Variants in CMC1 observed in about 807,000 individuals in gnomAD.
The protein encoded by CMC1 is COX assembly mitochondrial protein homolog.
Under a neutral mutation model 14.1 loss-of-function variants are expected in CMC1, and 14 were observed. The ratio of observed to expected loss-of-function variants is 0.99; its 90% confidence interval spans 0.66 to 1.55. The LOEUF is 1.55. Among genes scored for constraint, CMC1 ranks in the 40% most tolerant of loss-of-function variants. CMC1 has a pLI of 0.00. For missense variants in CMC1, 127 were observed against 123.8 expected (o/e 1.03, Z -0.12); for synonymous variants, 50 against 38.4 (o/e 1.30, Z -1.12).
intron 2 of CMC1, among the ~76,000 whole-genome samples, chr3:28,267,959 G>A (rs1424375497): frequency 6.6e-6 from 1 of 152,198 alleles, no homozygotes; most frequent in Non-Finnish European, 1.5e-5. Context: ...CTTATTACAT[G>A]TATTTTTGTC....
At chr3:28,246,273 C>T (rs1330618699) in intron 1 of CMC1, among the ~76,000 whole-genome samples, 2 of 151,658 alleles carry the variant, frequency 1.3e-5, no homozygotes, top group South Asian at 2.1e-4. Context: ...TTTGTCTCAT[C>T]GGATTAACAA....
At chr3:28,259,703 A>G (rs1481077743) in intron 1 of CMC1, among the ~76,000 whole-genome samples, 2 of 152,134 alleles carry the variant, frequency 1.3e-5, no homozygotes, top group East Asian at 3.9e-4. Flanking sequence ...GAAAAATGCT[A>G]TATAGTCTTG....
intron 1 of CMC1, among the ~76,000 whole-genome samples, chr3:28,254,632 A>G (rs1353100205): frequency 6.6e-6 from 1 of 152,172 alleles, no homozygotes; most frequent in Non-Finnish European, 1.5e-5. Context: ...TTACACATCT[A>G]TGTCTGTATT....
intron 1 of CMC1, 33 bp from the exon 2 acceptor site, chr3:28,263,258 G>T: frequency 6.7e-7 from 1 of 1,485,534 alleles, no homozygotes; most frequent in South Asian, 1.2e-5. Context: ...ATTTGCTTGA[G>T]ACTTTATTAA....
chr3:28,270,479 T>C (rs1415587123), intron 2 of CMC1, among the ~76,000 whole-genome samples: 1 of 152,180 alleles, frequency 6.6e-6, no homozygotes, highest in African/African-American at 2.4e-5. Context: ...TATCTCATTA[T>C]GATTTTGATT....
At chr3:28,288,858 G>T (rs1305773101) in intron 2 of CMC1, among the ~76,000 whole-genome samples, 4 of 151,430 alleles carry the variant, frequency 2.6e-5, no homozygotes, top group Non-Finnish European at 4.4e-5. Flanking sequence ...GGATAATTAT[G>T]ATTGTAAGAA....
intron 2 of CMC1, among the ~76,000 whole-genome samples, chr3:28,273,850 T>C (rs1700423333): frequency 6.6e-6 from 1 of 152,244 alleles, no homozygotes; most frequent in Non-Finnish European, 1.5e-5. Flanking sequence ...TGTACCATTA[T>C]GTAATGCCCT....
In CMC1 at chr3:28,322,607, T is replaced by C. The variant is rs975585049; in HGVS notation, c.*2978T>C. 6 of 151,626 alleles carry C rather than the reference T, an allele frequency of 4.0e-5. No homozygotes were observed. The highest frequency in any genetic ancestry group is 3.3e-4 in the Admixed American group (5 of 15,108). The allele number at this position is 151,626 out of a possible 1,614,324, so 9.4% of individuals were successfully genotyped here. On this transcript the variant is annotated 3_prime_UTR_variant, in exon 4 of 4. Coordinates refer to ENST00000466830, the MANE Select transcript of CMC1 (RefSeq NM_182523.2). ...TGCTTCCTTCAGCTAAAGCCTGGAG[T>C]ATTGTATTTCTTTTATGCATATTGG...
Position 28,321,368 on chromosome 3 carries a change from T to G in CMC1, c.*1739T>G, listed in dbSNP as rs1467521054. ...TTGATTAAAATCAGAAGTAGCCCAC[T>G]TCATGTAGAAAATTCACTTATGTAC... On this transcript the variant is annotated 3_prime_UTR_variant, in exon 4 of 4. Coordinates refer to ENST00000466830, the MANE Select transcript of CMC1 (RefSeq NM_182523.2). The G allele has an allele frequency of 6.6e-6, 1 of 151,472 alleles. No homozygotes were observed. Among genetic ancestry groups the G allele is most frequent in the Non-Finnish European group, 1.5e-5 (1 of 67,578 alleles). 9.4% of individuals were successfully genotyped at this position (151,472 alleles called of 1,614,324 possible). A position where few individuals can be genotyped will look rare whatever the true frequency, so the allele number is the denominator to read the frequency against.
At chr3:28,265,782 T>C (rs1051172541) in intron 2 of CMC1, among the ~76,000 whole-genome samples, 4 of 152,210 alleles carry the variant, frequency 2.6e-5, no homozygotes, top group Non-Finnish European at 5.9e-5. Flanking sequence ...ACAGCAGTTA[T>C]TGACAGCTAC....
intron 1 of CMC1, among the ~76,000 whole-genome samples, chr3:28,252,505 A>G (rs1699181475): frequency 6.6e-6 from 1 of 152,202 alleles, no homozygotes; most frequent in South Asian, 2.1e-4. Flanking sequence ...TGCTTTTAAA[A>G]ATATTTTTTT....
At chr3:28,286,157 A>T (rs1473647780) in intron 2 of CMC1, among the ~76,000 whole-genome samples, 1 of 152,150 alleles carries the variant, frequency 6.6e-6, no homozygotes, top group Non-Finnish European at 1.5e-5. Context: ...TGAATCTAAG[A>T]TATCATTGTT....
intron 1 of CMC1, among the ~76,000 whole-genome samples, chr3:28,249,987 G>A (rs147654232): frequency 7.0e-4 from 107 of 152,112 alleles, no homozygotes; most frequent in African/African-American, 2.3e-3. Flanking sequence ...AGGAGAGAAC[G>A]AGAAGGAGAG....
chr3:28,268,973 G>A (rs980317026), intron 2 of CMC1, among the ~76,000 whole-genome samples: 5 of 152,150 alleles, frequency 3.3e-5, no homozygotes, highest in African/African-American at 1.2e-4. Context: ...AGAAGGGTTA[G>A]TATAATAAGA....
In CMC1 at chr3:28,288,859, A is replaced by T. The variant is rs905506266; in HGVS notation, c.109+25479A>T. Among the ~76,000 whole-genome samples, 42 of 151,566 alleles carry T rather than the reference A, an allele frequency of 2.8e-4. 1 individual carries two copies. Among genetic ancestry groups the T allele is most frequent in the African/African-American group, 9.9e-4 (41 of 41,408 alleles). ...CACAGTCCTTTTGTGGATAATTATGATTGTAAGAATATTTTTGCAAGTAAA... is the reference window on the plus strand; with the variant it reads ...CACAGTCCTTTTGTGGATAATTATGTTTGTAAGAATATTTTTGCAAGTAAA... On this transcript the variant is annotated intron_variant, in intron 2 of 3. Coordinates refer to ENST00000466830, the MANE Select transcript of CMC1 (RefSeq NM_182523.2).
At chr3:28,310,960 G>A (rs1702609963) in intron 2 of CMC1, among the ~76,000 whole-genome samples, 3 of 152,190 alleles carry the variant, frequency 2.0e-5, no homozygotes. Flanking sequence ...CTGACAGGAG[G>A]TGGAGCTCAG....
At chr3:28,257,044 T>C (rs1699448496) in intron 1 of CMC1, among the ~76,000 whole-genome samples, 1 of 152,178 alleles carries the variant, frequency 6.6e-6, no homozygotes, top group Non-Finnish European at 1.5e-5. Flanking sequence ...GAACAGTAAC[T>C]TTAAGGAGAA....
At chr3:28,300,308 T>C (rs2125572784) in intron 2 of CMC1, among the ~76,000 whole-genome samples, 1 of 152,274 alleles carries the variant, frequency 6.6e-6, no homozygotes, top group African/African-American at 2.4e-5. Context: ...GCTGTATATT[T>C]TGTGAAAAGG....
In CMC1 at chr3:28,321,694, C is replaced by T. The variant is rs2125626631; in HGVS notation, c.*2065C>T. 1 of 151,470 alleles carries T rather than the reference C, an allele frequency of 6.6e-6. No individual in the cohort carries two copies. The highest frequency in any genetic ancestry group is 3.4e-3 in the Middle Eastern group (1 of 294). 9.4% of individuals were successfully genotyped at this position (151,470 alleles called of 1,614,324 possible). On this transcript the variant is annotated 3_prime_UTR_variant, in exon 4 of 4. Transcript: ENST00000466830. ...AGTACTTTGTTGTCACATGATTCAG[C>T]TCTTCAAGTCTGAATTTTCCCATTT...
Sources: gnomAD v4.1 joint callset for allele counts (sites outside exome capture counted in the v4.1 genomes callset) on GRCh38, gnomAD v4.1.1 for gene constraint, MANE v1.5 for transcripts, NCBI Gene and HGNC (gene_info 2026-07-23, HGNC 2026-07-21) for gene names.